Variants in DIAPH1 observed in about 807,000 individuals in gnomAD.
The protein encoded by DIAPH1 is diaphanous related formin 1.
In DIAPH1, 46 loss-of-function variants were observed where a neutral mutation model predicts 140.7. That is an observed-to-expected ratio of 0.33 (90% CI 0.26 to 0.42). The LOEUF (loss-of-function observed/expected upper bound fraction) is 0.42, where lower values mean the gene tolerates loss of function less well. Ranked by LOEUF, DIAPH1 falls within the 10% of genes least tolerant of loss-of-function variation. The pLI is 1.00. For synonymous variants in DIAPH1, 565 were observed against 551.6 expected (o/e 1.02, Z -0.34); for missense variants, 1,310 against 1,558.7 (o/e 0.84, Z 2.69).
chr5:141,614,351 G>C (rs2099902310), intron 1 of DIAPH1, among the ~76,000 whole-genome samples: 1 of 151,932 alleles, frequency 6.6e-6, no homozygotes, highest in East Asian at 1.9e-4. Flanking sequence ...TTTCATGGAA[G>C]ATATATAACA....
intron 27 of DIAPH1, chr5:141,518,759 G>A (rs2099886085): frequency 1.6e-6 from 1 of 642,278 alleles, no homozygotes; most frequent in Admixed American, 2.5e-5. Context: ...CTGGGCTCAA[G>A]CAATCCTCCC....
At chr5:141,579,908 A>C (rs1305916268) in intron 8 of DIAPH1, among the ~76,000 whole-genome samples, 1 of 151,352 alleles carries the variant, frequency 6.6e-6, no homozygotes, top group Non-Finnish European at 1.5e-5. Flanking sequence ...AGATCGCGCC[A>C]CTGCACTCCA....
chr5:141,516,530 G>T lies in DIAPH1; in HGVS notation c.*321C>A. On this transcript the variant is annotated 3_prime_UTR_variant, in exon 28 of 28. Transcript: ENST00000389054. Reference sequence around the variant, plus strand: ...TCAGGGCTGAGAAAAAGCAGGCTGGGCCTTGTCTGAGATGAGGCCCTCTGA... The same window carrying T: ...TCAGGGCTGAGAAAAAGCAGGCTGGTCCTTGTCTGAGATGAGGCCCTCTGA... The T allele has an allele frequency of 2.4e-6, 1 of 408,386 alleles. No individual in the cohort carries two copies. Among genetic ancestry groups the T allele is most frequent in the East Asian group, 5.3e-5 (1 of 18,788 alleles). 25.3% of individuals were successfully genotyped at this position (408,386 alleles called of 1,614,324 possible).
At chr5:141,560,316 G>A (rs2099893320) in intron 18 of DIAPH1, among the ~76,000 whole-genome samples, 1 of 152,206 alleles carries the variant, frequency 6.6e-6, no homozygotes, top group Non-Finnish European at 1.5e-5. Context: ...TCAGTCACTG[G>A]AAGCAAGCAC....
chr5:141,616,610 A>G (rs2099902723), intron 1 of DIAPH1, among the ~76,000 whole-genome samples: 1 of 152,288 alleles, frequency 6.6e-6, no homozygotes. Context: ...ATTTCCACAG[A>G]GTTCTCATAA....
rs866959324 is a variant in DIAPH1 at position 141,518,548 on chromosome 5, A to G, written c.3662-1540T>C. 5.7e-3 allele frequency: 726 copies of G among 127,816 alleles called. 4 individuals are homozygous for G. The highest frequency in any genetic ancestry group is 0.021 in the African/African-American group (668 of 32,408). The allele number at this position is 127,816 out of a possible 1,614,324, so 7.9% of individuals were successfully genotyped here. A position where few individuals can be genotyped will look rare whatever the true frequency, so the allele number is the denominator to read the frequency against. On this transcript the variant is annotated intron_variant, in intron 27 of 27. Transcript: ENST00000389054. ...GCCCGTCTTTTTTTTTTTTTTTTTGATGGAATCTCAGTCGCCCAGGCTGGA... is the reference window on the plus strand; with the variant it reads ...GCCCGTCTTTTTTTTTTTTTTTTTGGTGGAATCTCAGTCGCCCAGGCTGGA...
intron 18 of DIAPH1, among the ~76,000 whole-genome samples, chr5:141,544,610 G>A (rs945599993): frequency 1.3e-5 from 2 of 152,146 alleles, no homozygotes; most frequent in African/African-American, 4.8e-5. Context: ...TAAGCACAGA[G>A]AAAGCTGCTC....
At chr5:141,598,111 A>C (rs747445724) in intron 1 of DIAPH1, among the ~76,000 whole-genome samples, 1 of 152,228 alleles carries the variant, frequency 6.6e-6, no homozygotes, top group Non-Finnish European at 1.5e-5. Flanking sequence ...AAGCTGGGCT[A>C]TGACTCTGAG....
Position 141,573,681 on chromosome 5 carries a change from A to G in DIAPH1, c.2169T>C (p.Gly723=). The change falls in exon 16 of 28, where the codon GGT becomes GGC. Residue 723 remains glycine, a synonymous_variant. Transcript: ENST00000389054. The part of the protein sequence containing the change: ...MPPPPPPLPG[G]PGIPPPPPFP... Reference sequence around the variant, plus strand: ...ATGGAGGAGGTGGAGGGATTCCAGGACCACCAGGAAGAGGGGGAGGAGGAG... The same window carrying G: ...ATGGAGGAGGTGGAGGGATTCCAGGGCCACCAGGAAGAGGGGGAGGAGGAG... The G allele has an allele frequency of 6.3e-7, 1 of 1,579,472 alleles. No homozygotes were observed. The highest frequency in any genetic ancestry group is 1.1e-5 in the South Asian group (1 of 90,302).
intron 17 of DIAPH1, 57 bp downstream of exon 17, chr5:141,571,869 T>A: frequency 1.6e-6 from 2 of 1,271,628 alleles, no homozygotes; most frequent in South Asian, 2.4e-5. Context: ...GGAAACCTAA[T>A]GAAAAAATAT....
chr5:141,526,480 GGACCAA>G lies in DIAPH1; in HGVS notation c.3274-25_3274-20del, dbSNP rs761110996. On this transcript the variant is annotated intron_variant, in intron 24 of 27. Transcript: ENST00000389054. ...CAAAGCTGTGCAGCCAAGGAGTAAA[GGACCAA>G]GACCAAGACCAAGAAGCAGACCCAC... The G allele has an allele frequency of 6.2e-7, 1 of 1,613,964 alleles. No individual in the cohort carries two copies. The highest frequency in any genetic ancestry group is 2.2e-5 in the East Asian group (1 of 44,872).
intron 18 of DIAPH1, among the ~76,000 whole-genome samples, chr5:141,561,415 G>A (rs2099893516): frequency 6.6e-6 from 1 of 150,722 alleles, no homozygotes; most frequent in Admixed American, 6.6e-5. Context: ...AAACTGTTAA[G>A]AGTGAAGTAA....
rs1268812087 is a variant in DIAPH1, at chr5:141,565,836, G to GT, written c.2482+5591dup. ...ATCAGCCAGTGAGTTAGCAGGAAAAGTAAGTGTTTCCTGTCCTGAAAGCTA... is the reference window on the plus strand; with the variant it reads ...ATCAGCCAGTGAGTTAGCAGGAAAAGTTAAGTGTTTCCTGTCCTGAAAGCTA... On this transcript the variant is annotated intron_variant, in intron 18 of 27. Coordinates refer to ENST00000389054, the MANE Select transcript of DIAPH1 (RefSeq NM_005219.5). This position sits in a 1 kb window ranked among gnomAD's most constrained non-coding sequence, Gnocchi z 4.3. 6.6e-6 allele frequency among the ~76,000 whole-genome samples: 1 copy of GT among 152,194 alleles called. No homozygotes were observed. The highest frequency in any genetic ancestry group is 1.5e-5 in the Non-Finnish European group (1 of 68,040).
intron 27 of DIAPH1, chr5:141,519,122 T>TA (rs1168075498): frequency 1.8e-5 from 16 of 875,800 alleles, no homozygotes; most frequent in East Asian, 7.9e-5. Flanking sequence ...ATTATGAACA[T>TA]AAACTAATGC....
At chr5:141,529,126 G>T in intron 21 of DIAPH1, 46 bp downstream of exon 21, 2 of 1,572,548 alleles carry the variant, frequency 1.3e-6, no homozygotes, top group South Asian at 1.1e-5. Context: ...GAGGGGAGGG[G>T]AATACAGGAG....
chr5:141,582,361 C>T lies in DIAPH1; in HGVS notation c.635G>A (p.Arg212Gln), dbSNP rs727504973. ...GCAGCGAATGATCTCATGCTTGTTC[C>T]GGCTATCGTAACTCCTGTATATAGA... ...KEETAGSYDS[R>Q]NKHEIIRCLK... Residue 212 changes from arginine (R) to glutamine (Q), a missense_variant, in exon 7 of 28, where the codon CGG (arginine) becomes CAG (glutamine). Physicochemically the swap from Arg to Gln is conservative, Grantham distance 43. Coordinates refer to ENST00000389054, the MANE Select transcript of DIAPH1 (RefSeq NM_005219.5). The T allele has an allele frequency of 3.1e-6, 5 of 1,613,148 alleles. No individual in the cohort carries two copies. The highest frequency in any genetic ancestry group is 3.4e-6 in the Non-Finnish European group (4 of 1,179,282).
intron 18 of DIAPH1, among the ~76,000 whole-genome samples, chr5:141,561,581 C>T (rs2099893544): frequency 6.6e-6 from 1 of 151,978 alleles, no homozygotes; most frequent in Non-Finnish European, 1.5e-5. Flanking sequence ...GTGTCTTTTT[C>T]ATTATAAAAA....
chr5:141,591,186 C>G (rs546798607), intron 1 of DIAPH1, among the ~76,000 whole-genome samples: 60 of 152,206 alleles, frequency 3.9e-4, no homozygotes, highest in African/African-American at 1.4e-3. Context: ...GCTGCTGCCT[C>G]CTCAGCCTAG....
At chr5:141,561,639 C>T (rs1007202452) in intron 18 of DIAPH1, among the ~76,000 whole-genome samples, 1 of 152,012 alleles carries the variant, frequency 6.6e-6, no homozygotes, top group African/African-American at 2.4e-5. Flanking sequence ...TATGTAGTAC[C>T]CTAACAAAAT....
Sources: allele counts gnomAD v4.1 joint callset (sites outside exome capture counted in the v4.1 genomes callset), GRCh38; gene constraint gnomAD v4.1.1; non-coding constraint Gnocchi (gnomAD v3.1); transcripts MANE v1.5; gene names NCBI Gene and HGNC (gene_info 2026-07-23, HGNC 2026-07-21).